The following EHMT1 variants were observed in gnomAD, a reference collection of about 807,000 sequenced individuals.
EHMT1 encodes the protein histone-lysine N-methyltransferase EHMT1.
EHMT1 carries 15 observed loss-of-function variants against 147.2 expected under a neutral mutation model. That is an observed-to-expected ratio of 0.10 (90% CI 0.07 to 0.16). The LOEUF (loss-of-function observed/expected upper bound fraction) is 0.16, where lower values mean the gene tolerates loss of function less well. Among genes scored for constraint, EHMT1 ranks in the 10% least tolerant of loss-of-function variants. The pLI, the probability that EHMT1 is intolerant of heterozygous loss-of-function variation, is 1.00. For missense variants in EHMT1, 1,587 were observed against 1,772.4 expected, an observed-to-expected ratio of 0.90 and a Z score of 1.88; for synonymous variants, 795 against 709.6, an observed-to-expected ratio of 1.12 and a Z score of -1.91.
chr9:137,764,495 C>G (rs1055943745), intron 10 of EHMT1: 1 of 152,222 alleles, frequency 6.6e-6, no homozygotes, highest in Non-Finnish European at 1.5e-5. Context: ...CACCAGCGTT[C>G]TCTCCCACCC....
Position 137,811,530 on chromosome 9 carries a change from G to A in EHMT1, c.2782G>A (p.Ala928Thr). 6.2e-7 allele frequency: 1 copy of A among 1,610,860 alleles called. No individual in the cohort carries two copies. Among genetic ancestry groups the A allele is most frequent in the Admixed American group, 1.7e-5 (1 of 60,034 alleles). The change falls in exon 19 of 27, where the codon GCC (alanine) becomes ACC (threonine). Residue 928 changes from alanine (A) to threonine (T), a missense_variant. Physicochemically the swap from Ala to Thr is moderately conservative, Grantham distance 58. This residue lies in a region of EHMT1 where 201 missense variants were observed against 350.1 expected (regional missense o/e 0.57). Transcript: ENST00000460843. Reference protein sequence around the residue: ...CVDIAEILLAAKCDLHAVNIH... With the variant: ...CVDIAEILLATKCDLHAVNIH... ...GGACATAGCCGAGATCCTGCTGGCT[G>A]CCAAGTGCGACCTCCACGCCGTGAA...
intron 18 of EHMT1, chr9:137,802,423 C>T: frequency 2.5e-6 from 1 of 398,634 alleles, no homozygotes; most frequent in East Asian, 3.6e-5. Flanking sequence ...TTCCAGAGGC[C>T]AGAAATGGGA....
chr9:137,824,886 CAT>C (rs1223908967), intron 25 of EHMT1, among the ~76,000 whole-genome samples: 1 of 152,200 alleles, frequency 6.6e-6, no homozygotes, highest in Non-Finnish European at 1.5e-5. Context: ...CTTGTCTGCA[CAT>C]GTGGTCACGT....
In EHMT1 at chr9:137,782,409, C is replaced by G. The variant is rs749543679; in HGVS notation, c.2382+12C>G. ...ACATGCTGGTTCAGGTGCGGCGGCACGGCGCCCTCCTAGGGCTCTTCACCT... is the reference window on the plus strand; with the variant it reads ...ACATGCTGGTTCAGGTGCGGCGGCAGGGCGCCCTCCTAGGGCTCTTCACCT... On this transcript the variant is annotated intron_variant, in intron 15 of 26. Transcript: ENST00000460843. The surrounding 1 kb of genome is among the most constrained non-coding windows in gnomAD (Gnocchi z 5.7). The G allele has an allele frequency of 1.4e-5, 22 of 1,599,962 alleles. No homozygotes were observed. The highest frequency in any genetic ancestry group is 1.2e-4 in the South Asian group (11 of 90,094).
intron 18 of EHMT1, among the ~76,000 whole-genome samples, chr9:137,802,153 C>A (rs887869016): frequency 1.3e-5 from 2 of 152,214 alleles, no homozygotes; most frequent in African/African-American, 2.4e-5. Flanking sequence ...CAGGGACCCA[C>A]AAAACCAGTG....
chr9:137,732,588 G>C lies in EHMT1; in HGVS notation c.823+4059G>C, dbSNP rs1051568153. 6.6e-6 allele frequency among the ~76,000 whole-genome samples: 1 copy of C among 152,132 alleles called. No homozygotes were observed. The highest frequency in any genetic ancestry group is 2.4e-5 in the African/African-American group (1 of 41,420). On this transcript the variant is annotated intron_variant, in intron 4 of 26. Coordinates refer to ENST00000460843, the MANE Select transcript of EHMT1 (RefSeq NM_024757.5). The surrounding 1 kb of genome is among the most constrained non-coding windows in gnomAD (Gnocchi z 4.6). The stretch of plus-strand genomic sequence containing the variant: ...TGAAGTGCATGCTGATTGGTCCATG[G>C]GTAGGTCTGGAAAAAACACCATTTG...
At position 137,776,626 on chromosome 9, in the gene EHMT1, T is replaced by C; in HGVS notation, c.1800T>C (p.Phe600=). 6.2e-7 allele frequency: 1 copy of C among 1,614,128 alleles called. No individual in the cohort carries two copies. Among genetic ancestry groups the C allele is most frequent in the Non-Finnish European group, 8.5e-7 (1 of 1,180,040 alleles). The change falls in exon 12 of 27, where the codon TTT becomes TTC. Residue 600 remains phenylalanine (F), a synonymous_variant. Coordinates refer to ENST00000460843, the MANE Select transcript of EHMT1 (RefSeq NM_024757.5). The surrounding 1 kb of genome is among the most constrained non-coding windows in gnomAD (Gnocchi z 4.4). ...TGTCCTCCCATTTTTAGGGTAATTTTATGGAGTGTCAGCCCGAGAGCAGCA... is the reference window on the plus strand; with the variant it reads ...TGTCCTCCCATTTTTAGGGTAATTTCATGGAGTGTCAGCCCGAGAGCAGCA... ...GCGYFCTAGN[F]MECQPESSIS... is the part of the protein sequence containing the mutation.
At chr9:137,671,370 C>T (rs551763318) in intron 1 of EHMT1, among the ~76,000 whole-genome samples, 9 of 151,956 alleles carry the variant, frequency 5.9e-5, no homozygotes, top group Non-Finnish European at 1.0e-4. Context: ...TAATGGAAAC[C>T]CTCATTTATA....
chr9:137,641,592 C>T (rs1441013972), intron 1 of EHMT1: 33 of 277,784 alleles, frequency 1.2e-4, no homozygotes, highest in South Asian at 8.6e-4. Flanking sequence ...TCTCCCAGTC[C>T]GCTTGCCGCT....
intron 4 of EHMT1, among the ~76,000 whole-genome samples, chr9:137,729,102 T>C (rs1374945087): frequency 6.6e-6 from 1 of 152,038 alleles, no homozygotes; most frequent in Non-Finnish European, 1.5e-5. Context: ...TCCCTGGGCT[T>C]TCAAACCTCC....
chr9:137,634,994 A>G (rs959205120), intron 1 of EHMT1, among the ~76,000 whole-genome samples: 2 of 148,162 alleles, frequency 1.3e-5, no homozygotes, highest in Admixed American at 1.4e-4. Flanking sequence ...TGCTGGGATT[A>G]CAGGTGTGAG....
intron 1 of EHMT1, among the ~76,000 whole-genome samples, chr9:137,657,876 C>T (rs1234505293): frequency 6.6e-6 from 1 of 151,612 alleles, no homozygotes; most frequent in Non-Finnish European, 1.5e-5. Context: ...ACTGCTTCTA[C>T]AAGTGATAGC....
Position 137,776,849 on chromosome 9 carries a change from C to G in EHMT1, c.2018+5C>G. ...GGCCGACACCACAACGGGCAGGTACCTGGCACAGGCTCTGGCTGGGCTCTC... is the reference window on the plus strand; with the variant it reads ...GGCCGACACCACAACGGGCAGGTACGTGGCACAGGCTCTGGCTGGGCTCTC... On this transcript the variant is annotated splice_donor_5th_base_variant and intron_variant, in intron 12 of 26. Coordinates refer to ENST00000460843, the MANE Select transcript of EHMT1 (RefSeq NM_024757.5). The surrounding 1 kb of genome is among the most constrained non-coding windows in gnomAD (Gnocchi z 4.4). The G allele has an allele frequency of 6.2e-7, 1 of 1,613,466 alleles. No individual in the cohort carries two copies.
chr9:137,679,094 C>T (rs1941684959), intron 1 of EHMT1, among the ~76,000 whole-genome samples: 1 of 152,122 alleles, frequency 6.6e-6, no homozygotes, highest in Non-Finnish European at 1.5e-5. Flanking sequence ...GCTGGGACTA[C>T]AGGCACACGC....
intron 3 of EHMT1, among the ~76,000 whole-genome samples, chr9:137,719,790 G>A (rs918043836): frequency 6.6e-6 from 1 of 152,048 alleles, no homozygotes; most frequent in Non-Finnish European, 1.5e-5. Flanking sequence ...GTGTGTGGAT[G>A]TGTGGAAACA....
chr9:137,800,562 A>T, intron 17 of EHMT1: 1 of 416,332 alleles, frequency 2.4e-6, no homozygotes, highest in Non-Finnish European at 4.5e-6. Flanking sequence ...GACTCGTTGC[A>T]CGCAGCTGTG....
chr9:137,752,858 C>T (rs982523012), intron 7 of EHMT1, among the ~76,000 whole-genome samples: 4 of 152,068 alleles, frequency 2.6e-5, no homozygotes, highest in Admixed American at 6.5e-5. Context: ...TCCGCTGCAT[C>T]GGCTGACGTG....
chr9:137,829,525 C>T lies in EHMT1; in HGVS notation c.3541-4824C>T, dbSNP rs116551608. Among the ~76,000 whole-genome samples, 327 of 152,306 alleles carry T rather than the reference C, an allele frequency of 2.1e-3. 2 individuals carry two copies. The highest frequency in any genetic ancestry group is 7.6e-3 in the African/African-American group (315 of 41,548). On this transcript the variant is annotated intron_variant, in intron 25 of 26. Coordinates refer to ENST00000460843, the MANE Select transcript of EHMT1 (RefSeq NM_024757.5). The stretch of plus-strand genomic sequence containing the variant: ...TGTGCCTGTGAATAGTGCTGCCTGA[C>T]GAGATTGAGATTGCCGTCACGTGAG...
At chr9:137,682,501 G>C (rs1942049709) in intron 1 of EHMT1, among the ~76,000 whole-genome samples, 1 of 152,200 alleles carries the variant, frequency 6.6e-6, no homozygotes, top group Non-Finnish European at 1.5e-5. Context: ...GCTGTAGCGA[G>C]CGTCTCCCTG....
Sources: gnomAD v4.1 joint callset for allele counts (sites outside exome capture counted in the v4.1 genomes callset) on GRCh38, gnomAD v4.1.1 for gene constraint, gnomAD v4.1.1 regional missense constraint, Gnocchi (gnomAD v3.1) non-coding constraint, MANE v1.5 for transcripts, NCBI Gene and HGNC (gene_info 2026-07-23, HGNC 2026-07-21) for gene names.